TANK: variants seen among roughly 807,000 people sequenced by gnomAD.
TANK encodes TRAF family member associated NFKB activator, also known as TRAF family member-associated NF-kappa-B activator.
TANK carries 15 observed loss-of-function variants against 43.6 expected under a neutral mutation model. The ratio of observed to expected loss-of-function variants is 0.34; its 90% CI spans 0.23 to 0.53. The LOEUF is 0.53. Ranked by LOEUF, TANK falls within the 20% of genes least tolerant of loss-of-function variation. The pLI, the probability that TANK is intolerant of heterozygous loss-of-function variation, is 0.94. For missense variants in TANK, 417 were observed against 498.6 expected (o/e 0.84, Z 1.56); for synonymous variants, 162 against 178.2 (o/e 0.91, Z 0.73).
At chr2:161,220,175 G>C (rs1687278968) in intron 4 of TANK, among the ~76,000 whole-genome samples, 1 of 152,162 alleles carries the variant, frequency 6.6e-6, no homozygotes. Context: ...ATGAACACTG[G>C]AGTTAAGTGA....
rs1490014477 is a variant in TANK, at chr2:161,231,517, A to T, written c.1067A>T (p.Asp356Val). 1 of 1,612,946 alleles carries T rather than the reference A, an allele frequency of 6.2e-7. No homozygotes were observed. Among genetic ancestry groups the T allele is most frequent in the Non-Finnish European group, 8.5e-7 (1 of 1,179,980 alleles). Reference protein sequence around the residue: ...DPSDAPFPSLDSPGKAIRGPQ... With the variant: ...DPSDAPFPSLVSPGKAIRGPQ... ...TCTGATGCACCTTTTCCCTCACTCG[A>T]TTCCCCGGGAAAAGCAATCCGAGGA... Residue 356 changes from aspartate (D) to valine (V), a missense_variant, in exon 7 of 8, where the codon GAT (aspartate) becomes GTT (valine). Physicochemically the swap from Asp to Val is radical, Grantham distance 152. Transcript: ENST00000392749.
intron 2 of TANK, among the ~76,000 whole-genome samples, chr2:161,195,446 G>A (rs1255675969): frequency 6.6e-6 from 1 of 152,124 alleles, no homozygotes; most frequent in East Asian, 1.9e-4. Context: ...TTTTGAAAGG[G>A]CAGGTTTGGA....
At chr2:161,149,033 A>G (rs535988102) in intron 1 of TANK, among the ~76,000 whole-genome samples, 1 of 152,308 alleles carries the variant, frequency 6.6e-6, no homozygotes, top group African/African-American at 2.4e-5. Context: ...AAAATAGGCT[A>G]TTGAAATTTC....
Position 161,231,048 on chromosome 2 carries a change from G to T in TANK, c.598G>T (p.Asp200Tyr). The change falls in exon 7 of 8, where the codon GAT (aspartate) becomes TAT (tyrosine). Residue 200 changes from aspartate to tyrosine, a missense_variant. Physicochemically the swap from Asp to Tyr is radical, Grantham distance 160 (BLOSUM62 -3). Coordinates refer to ENST00000392749, the MANE Select transcript of TANK (RefSeq NM_001199135.3). ...AGCGCTGTTTAAGCCTCAGGCTAAA[G>T]ATGATATAAATAGAGGTGCACCATC... ...QEALFKPQAK[D>Y]DINRGAPSIT... 1 of 1,614,148 alleles carries T rather than the reference G, an allele frequency of 6.2e-7. No homozygotes were observed. Among genetic ancestry groups the T allele is most frequent in the Non-Finnish European group, 8.5e-7 (1 of 1,180,012 alleles).
intron 1 of TANK, among the ~76,000 whole-genome samples, chr2:161,152,641 A>G (rs1684111486): frequency 6.6e-6 from 1 of 152,168 alleles, no homozygotes; most frequent in African/African-American, 2.4e-5. Context: ...TATGAACAGG[A>G]CCTGGCCTAC....
chr2:161,199,751 T>C (rs1686320064), intron 2 of TANK, among the ~76,000 whole-genome samples: 1 of 152,160 alleles, frequency 6.6e-6, no homozygotes, highest in African/African-American at 2.4e-5. Flanking sequence ...GAATACAAAG[T>C]TAACCTTATG....
chr2:161,191,105 C>A (rs987574849), intron 2 of TANK, among the ~76,000 whole-genome samples: 16 of 152,166 alleles, frequency 1.1e-4, no homozygotes, highest in African/African-American at 3.1e-4. Context: ...TCTTCCAGTT[C>A]ACTGCAATTT....
chr2:161,145,307 G>A (rs1683878925), intron 1 of TANK, among the ~76,000 whole-genome samples: 1 of 151,488 alleles, frequency 6.6e-6, no homozygotes, highest in Non-Finnish European at 1.5e-5. Context: ...TTTAGTTGGG[G>A]CATTTAGCCC....
chr2:161,217,558 A>T (rs1687169277), intron 4 of TANK, among the ~76,000 whole-genome samples: 1 of 144,024 alleles, frequency 6.9e-6, no homozygotes, highest in Non-Finnish European at 1.5e-5. Context: ...TGCAAAGTTC[A>T]GTCTTCAGTG....
chr2:161,168,851 G>C (rs1368882527), intron 1 of TANK, among the ~76,000 whole-genome samples: 1 of 152,064 alleles, frequency 6.6e-6, no homozygotes, highest in Non-Finnish European at 1.5e-5. Flanking sequence ...AATCAAAATG[G>C]ATCTGATCCT....
In TANK at chr2:161,202,299, C is replaced by T. The variant is rs533873063; in HGVS notation, c.100-1188C>T. Among the ~76,000 whole-genome samples the T allele has an allele frequency of 6.7e-5, 10 of 148,866 alleles. No homozygotes were observed. In the South Asian group the frequency reaches 1.9e-3, roughly 29 times the overall value. ...CCGCCTCCCGGGTTCACATCATTCT[C>T]CTGCCTCAGCCTCCCAAGTAGCTGG... On this transcript the variant is annotated intron_variant, in intron 2 of 7. Coordinates refer to ENST00000392749, the MANE Select transcript of TANK (RefSeq NM_001199135.3).
chr2:161,220,909 A>G (rs2105377172), intron 4 of TANK, among the ~76,000 whole-genome samples: 1 of 152,304 alleles, frequency 6.6e-6, no homozygotes, highest in East Asian at 1.9e-4. Context: ...ATGAAATATT[A>G]ACCACTTTTT....
chr2:161,232,856 A>G, intron 7 of TANK: 3 of 1,549,376 alleles, frequency 1.9e-6, no homozygotes, highest in Non-Finnish European at 2.6e-6. Context: ...TAAAAAATTC[A>G]GGAGAATTAG....
intron 1 of TANK, among the ~76,000 whole-genome samples, chr2:161,178,419 T>C (rs1407928578): frequency 1.3e-5 from 2 of 151,824 alleles, no homozygotes; most frequent in East Asian, 3.9e-4. Context: ...TGTATTGTAT[T>C]ATTCCATTTA....
At chr2:161,201,549 A>G (rs957434272) in intron 2 of TANK, among the ~76,000 whole-genome samples, 3 of 152,222 alleles carry the variant, frequency 2.0e-5, no homozygotes, top group African/African-American at 7.2e-5. Flanking sequence ...ACCTATCAAA[A>G]TAAAGTGAAA....
chr2:161,222,579 C>CTT (rs1687403422), intron 4 of TANK, among the ~76,000 whole-genome samples: 1 of 151,958 alleles, frequency 6.6e-6, no homozygotes, highest in African/African-American at 2.4e-5. Flanking sequence ...TACAAAACAC[C>CTT]ATAGAAAAAC....
rs539986810 is a variant in TANK, at chr2:161,142,384, GAA to G, written c.-50+5323_-50+5324del. On this transcript the variant is annotated intron_variant, in intron 1 of 7. Coordinates refer to the TANK transcript ENST00000259075. ...GCATTGCTTTTGGCATTTTCGTCAT[GAA>G]ATCTTTGCCCATGCCTATGTCCTGA... 2.7e-3 allele frequency among the ~76,000 whole-genome samples: 413 copies of G among 152,272 alleles called. 2 individuals are homozygous for G. Among genetic ancestry groups the G allele is most frequent in the African/African-American group, 9.4e-3 (392 of 41,550 alleles).
chr2:161,146,142 G>A (rs544636820), intron 1 of TANK, among the ~76,000 whole-genome samples: 10 of 152,156 alleles, frequency 6.6e-5, no homozygotes, highest in South Asian at 2.1e-4. Context: ...TATGCTTCAC[G>A]AAGTTCTCGT....
chr2:161,184,537 G>A (rs1267081), intron 2 of TANK, among the ~76,000 whole-genome samples: 122,552 of 152,088 alleles, frequency 0.81, 49,621 homozygotes, highest in East Asian at 1. Flanking sequence ...GTGAATGGCA[G>A]TCATTTCAAG....
Sources: gnomAD v4.1 joint callset for allele counts (sites outside exome capture counted in the v4.1 genomes callset) on GRCh38, gnomAD v4.1.1 for gene constraint, MANE v1.5 for transcripts, NCBI Gene and HGNC (gene_info 2026-07-23, HGNC 2026-07-21) for gene names.